The following S100A8 variants were observed in gnomAD, a reference collection of about 807,000 sequenced individuals.
S100A8 encodes the protein protein S100-A8.
A neutral mutation model predicts 4.2 loss-of-function variants in S100A8; 1 was observed. That is an observed-to-expected ratio of 0.24 (90% CI 0.08 to 1.12). The LOEUF (loss-of-function observed/expected upper bound fraction) is 1.12. Ranked by LOEUF, S100A8 falls within the 50% of genes most tolerant of loss-of-function variation. S100A8 has a pLI of 0.53. For synonymous variants in S100A8, 41 were observed against 44.7 expected (o/e 0.92, Z 0.33); for missense variants, 96 against 111.8 (o/e 0.86, Z 0.64).
At chr1:153,413,592 T>C in the S100A8 span, among the ~76,000 whole-genome samples, 8 of 152,232 alleles carry the variant, frequency 5.3e-5, no homozygotes, top group Non-Finnish European at 7.3e-5. Flanking sequence ...CAATATTATG[T>C]TCTTGTGTAT....
chr1:153,421,391 T>A, the S100A8 span: 2 of 152,350 alleles, frequency 1.3e-5, no homozygotes, highest in East Asian at 3.9e-4. Context: ...AGACTTGGAA[T>A]CATGGAGGGA....
chr1:153,403,214 T>G, the S100A8 span, among the ~76,000 whole-genome samples: 6 of 152,350 alleles, frequency 3.9e-5, no homozygotes, highest in African/African-American at 1.4e-4. Flanking sequence ...AGTTTTAGTT[T>G]TAGCTCTTAT....
the S100A8 span, among the ~76,000 whole-genome samples, chr1:153,407,949 C>A: frequency 2.0e-5 from 3 of 152,148 alleles, no homozygotes; most frequent in Admixed American, 2.0e-4. Context: ...AGGACATCCA[C>A]GCCAAAACTC....
chr1:153,411,468 A>G, the S100A8 span, among the ~76,000 whole-genome samples: 1 of 152,256 alleles, frequency 6.6e-6, no homozygotes, highest in Non-Finnish European at 1.5e-5. Flanking sequence ...CCACTGCTCA[A>G]CGAAATAAGA....
chr1:153,406,274 G>C, the S100A8 span, among the ~76,000 whole-genome samples: 501 of 152,262 alleles, frequency 3.3e-3, 4 homozygotes, highest in African/African-American at 0.012. Context: ...TATAAGACAT[G>C]GCTGGGCGGC....
the S100A8 span, among the ~76,000 whole-genome samples, chr1:153,411,076 G>A: frequency 6.6e-6 from 1 of 152,140 alleles, no homozygotes; most frequent in Admixed American, 6.6e-5. Context: ...GTGCAAGACA[G>A]GGATGCCCTC....
At chr1:153,403,649 T>A in the S100A8 span, among the ~76,000 whole-genome samples, 1 of 152,196 alleles carries the variant, frequency 6.6e-6, no homozygotes, top group Non-Finnish European at 1.5e-5. Context: ...CTTTTTCAAT[T>A]AGGACTATGT....
In S100A8 at chr1:153,390,509, C is replaced by G; in HGVS notation, c.27G>C (p.Leu9Phe). ...TGTGGTAGACGTCGATGATAGAGTTCAAGGCTTTCTCCAGCTCGGTCAACA... is the reference window on the plus strand; with the variant it reads ...TGTGGTAGACGTCGATGATAGAGTTGAAGGCTTTCTCCAGCTCGGTCAACA... The part of the protein sequence containing the change: MLTELEKA[L>F]NSIIDVYHKY... The change falls in exon 2 of 3, where the codon TTG becomes TTC. Residue 9 changes from leucine to phenylalanine, a missense_variant. Leu to Phe is a conservative substitution (Grantham distance 22). Transcript: ENST00000368733. The G allele has an allele frequency of 6.2e-7, 1 of 1,614,194 alleles. No homozygotes were observed.
At chr1:153,390,348 C>A (rs199736559) in intron 2 of S100A8, 47 bp downstream of exon 2, 1 of 1,607,460 alleles carries the variant, frequency 6.2e-7, no homozygotes, top group South Asian at 1.1e-5. Context: ...CCCAGGGCAG[C>A]CCCAGGACCA....
upstream of S100A8, among the ~76,000 whole-genome samples, chr1:153,394,921 G>A (rs1011423769): frequency 6.6e-6 from 1 of 152,158 alleles, no homozygotes; most frequent in Admixed American, 6.5e-5. Flanking sequence ...ATCTCAGTAA[G>A]CTCAGGACAC....
chr1:153,398,823 G>T, the S100A8 span, among the ~76,000 whole-genome samples: 1 of 152,186 alleles, frequency 6.6e-6, no homozygotes, highest in Non-Finnish European at 1.5e-5. Flanking sequence ...GAAACCCAGA[G>T]AGGATAAGTA....
At chr1:153,417,730 T>C in the S100A8 span, among the ~76,000 whole-genome samples, 5 of 152,156 alleles carry the variant, frequency 3.3e-5, no homozygotes, top group South Asian at 2.1e-4. Flanking sequence ...GGGTCCGCCA[T>C]GTGCTGGTTG....
the S100A8 span, among the ~76,000 whole-genome samples, chr1:153,412,709 C>T: frequency 6.6e-6 from 1 of 152,136 alleles, no homozygotes; most frequent in Non-Finnish European, 1.5e-5. Context: ...GCACTATTCA[C>T]AATAGCAAAG....
chr1:153,420,117 G>A, the S100A8 span: 1 of 152,228 alleles, frequency 6.6e-6, no homozygotes, highest in African/African-American at 2.4e-5. Flanking sequence ...GCAGCATCAC[G>A]GAAATTCTGT....
upstream of S100A8, among the ~76,000 whole-genome samples, chr1:153,396,035 G>A (rs1276525546): frequency 1.3e-5 from 2 of 152,234 alleles, no homozygotes; most frequent in African/African-American, 2.4e-5. Flanking sequence ...CACAAGCGAG[G>A]CCTCGCTATC....
the S100A8 span, among the ~76,000 whole-genome samples, chr1:153,405,962 C>T: frequency 6.6e-5 from 10 of 152,176 alleles, no homozygotes; most frequent in East Asian, 3.9e-4. Flanking sequence ...AACTGCTGCA[C>T]GAGTCCAGAG....
chr1:153,417,255 T>C, the S100A8 span: 1 of 152,300 alleles, frequency 6.6e-6, no homozygotes, highest in Non-Finnish European at 1.5e-5. Flanking sequence ...GGCTGGCTAC[T>C]GGCTGGAAGA....
At chr1:153,392,583 CAA>C (rs962665649), upstream of S100A8, among the ~76,000 whole-genome samples, 44 of 152,302 alleles carry the variant, frequency 2.9e-4, no homozygotes, top group African/African-American at 1.1e-3. Flanking sequence ...GGAAGCAACC[CAA>C]GTGTCCCTCA....
the S100A8 span, among the ~76,000 whole-genome samples, chr1:153,398,618 C>T: frequency 6.6e-6 from 1 of 152,192 alleles, no homozygotes; most frequent in African/African-American, 2.4e-5. Context: ...GGAGATGAGA[C>T]AAGATCACCC....
Sources: gnomAD v4.1 joint callset for allele counts (sites outside exome capture counted in the v4.1 genomes callset) on GRCh38, gnomAD v4.1.1 for gene constraint, MANE v1.5 for transcripts, NCBI Gene and HGNC (gene_info 2026-07-23, HGNC 2026-07-21) for gene names.